USP3: variants seen among roughly 807,000 people sequenced by gnomAD.
USP3 encodes ubiquitin specific peptidase 3, also known as ubiquitin carboxyl-terminal hydrolase 3.
USP3 carries 20 observed loss-of-function variants against 72.3 expected under a neutral mutation model. The observed-to-expected ratio is 0.28, with a 90% CI of 0.19 to 0.40. The LOEUF (loss-of-function observed/expected upper bound fraction) is 0.40, where lower values mean the gene tolerates loss of function less well. Ranked by LOEUF, USP3 falls within the 10% of genes least tolerant of loss-of-function variation. The pLI is 1.00. For missense variants in USP3, 479 were observed against 633.9 expected, an observed-to-expected ratio of 0.76 and a Z score of 2.62; for synonymous variants, 222 against 225.3, an observed-to-expected ratio of 0.99 and a Z score of 0.13.
chr15:63,522,138 AGTGT>A (rs1317981754), intron 1 of USP3, among the ~76,000 whole-genome samples: 1 of 152,140 alleles, frequency 6.6e-6, no homozygotes, highest in African/African-American at 2.4e-5. Flanking sequence ...GGCCTCCCAA[AGTGT>A]TGGGATTACA....
chr15:63,551,532 T>G (rs967707457), intron 3 of USP3, among the ~76,000 whole-genome samples: 3 of 152,130 alleles, frequency 2.0e-5, no homozygotes, highest in African/African-American at 7.2e-5. Flanking sequence ...AGAAAAATCA[T>G]AGAAAAATCA....
chr15:63,590,016 CATTCA>C (rs2067160324), intron 14 of USP3, among the ~76,000 whole-genome samples: 1 of 152,196 alleles, frequency 6.6e-6, no homozygotes, highest in Non-Finnish European at 1.5e-5. Context: ...AGGTTTTCTG[CATTCA>C]ATTCCTCAGG....
intron 3 of USP3, chr15:63,542,234 TCAG>T (rs1170353633): frequency 3.1e-6 from 3 of 975,782 alleles, no homozygotes; most frequent in Non-Finnish European, 3.7e-6. Flanking sequence ...TATATGTTAT[TCAG>T]TATGGTAGCA....
At chr15:63,575,830 T>C (rs2066854043) in intron 11 of USP3, among the ~76,000 whole-genome samples, 1 of 152,126 alleles carries the variant, frequency 6.6e-6, no homozygotes, top group African/African-American at 2.4e-5. Context: ...TATCTGAATA[T>C]CTGGTTATTT....
intron 3 of USP3, among the ~76,000 whole-genome samples, chr15:63,547,719 CAATA>C (rs1281761052): frequency 3.5e-5 from 3 of 85,638 alleles, no homozygotes; most frequent in Non-Finnish European, 6.8e-5. Flanking sequence ...GACCCTGTCT[CAATA>C]GAGAGAGAGA....
intron 9 of USP3, among the ~76,000 whole-genome samples, chr15:63,571,881 G>T (rs1271980758): frequency 6.6e-6 from 1 of 152,166 alleles, no homozygotes; most frequent in African/African-American, 2.4e-5. Context: ...ATTTCCTTCA[G>T]TGCATTGGAA....
At chr15:63,505,419 G>A (rs2065699283) in intron 1 of USP3, among the ~76,000 whole-genome samples, 1 of 152,220 alleles carries the variant, frequency 6.6e-6, no homozygotes, top group Admixed American at 6.5e-5. Context: ...TCGGGCGGCG[G>A]AGGTCGGGGT....
At chr15:63,542,178 A>T in intron 3 of USP3, 2 of 985,246 alleles carry the variant, frequency 2.0e-6, no homozygotes, top group Non-Finnish European at 1.2e-6. Context: ...TTAGAATTTT[A>T]AAGCTGAGAA....
At chr15:63,546,546 G>A (rs534541086) in intron 3 of USP3, among the ~76,000 whole-genome samples, 30 of 152,218 alleles carry the variant, frequency 2.0e-4, no homozygotes, top group African/African-American at 6.3e-4. Flanking sequence ...CAACTGTAGC[G>A]AATCAAGAAA....
At chr15:63,584,613 C>T (rs1470218423) in intron 11 of USP3, among the ~76,000 whole-genome samples, 1 of 152,108 alleles carries the variant, frequency 6.6e-6, no homozygotes, top group East Asian at 1.9e-4. Context: ...AGTCCTTTCC[C>T]CATTTTTGAA....
rs1025263074 is a variant in USP3 at position 63,594,304 on chromosome 15, A to T, written c.*3478A>T. On this transcript the variant is annotated 3_prime_UTR_variant, in exon 15 of 15. Coordinates refer to ENST00000380324, the MANE Select transcript of USP3 (RefSeq NM_006537.4). The stretch of plus-strand genomic sequence containing the variant: ...TGGAAAAAGTCTGTTCCTGCAGCCA[A>T]GGCCTGGGTCCCAGGTGACTAGGAG... 22 of 152,236 alleles carry T rather than the reference A, an allele frequency of 1.4e-4. No individual in the cohort carries two copies. Among genetic ancestry groups the T allele is most frequent in the African/African-American group, 5.1e-4 (21 of 41,434 alleles). The allele number at this position is 152,236 out of a possible 1,614,324, so 9.4% of individuals were successfully genotyped here. A position where few individuals can be genotyped will look rare whatever the true frequency, so the allele number is the denominator to read the frequency against.
intron 6 of USP3, among the ~76,000 whole-genome samples, chr15:63,558,957 G>A (rs1313153726): frequency 6.6e-6 from 1 of 152,122 alleles, no homozygotes; most frequent in African/African-American, 2.4e-5. Context: ...CCTGGTGGAG[G>A]GCTAGATTTG....
At chr15:63,506,514 C>T (rs146599293) in intron 1 of USP3, among the ~76,000 whole-genome samples, 5 of 152,268 alleles carry the variant, frequency 3.3e-5, no homozygotes, top group African/African-American at 1.2e-4. Context: ...AAAATCACAT[C>T]AAACTTAAAA....
intron 1 of USP3, among the ~76,000 whole-genome samples, chr15:63,505,553 C>T (rs1421211683): frequency 6.6e-6 from 1 of 152,146 alleles, no homozygotes; most frequent in Non-Finnish European, 1.5e-5. Flanking sequence ...TTGGGTTGTC[C>T]GAAAATGCGT....
At position 63,504,636 on chromosome 15, in the gene USP3, A is replaced by C; in HGVS notation, c.-104A>C. On this transcript the variant is annotated 5_prime_UTR_variant, in exon 1 of 15. Transcript: ENST00000380324. ...CTCGAGACGCAGCCGCCGTCGGCCG[A>C]GCGCCCGGCTAGAAGCGACACCAGA... The C allele has an allele frequency of 9.9e-7, 1 of 1,011,238 alleles. No homozygotes were observed. Among genetic ancestry groups the C allele is most frequent in the South Asian group, 1.9e-5 (1 of 53,314 alleles). The allele number at this position is 1,011,238 out of a possible 1,614,324, so 62.6% of individuals were successfully genotyped here.
chr15:63,505,167 C>A (rs113534086), intron 1 of USP3, among the ~76,000 whole-genome samples: 3,635 of 151,902 alleles, frequency 0.024, 142 homozygotes, highest in African/African-American at 0.081. Flanking sequence ...GGGGCTGTGC[C>A]CGTCCGTGTT....
At chr15:63,580,639 T>A (rs2066936991) in intron 11 of USP3, among the ~76,000 whole-genome samples, 1 of 59,636 alleles carries the variant, frequency 1.7e-5, no homozygotes, top group African/African-American at 7.1e-5. Context: ...CAGAAAGTGG[T>A]GCATATATAT....
At chr15:63,569,847 T>C (rs2066751306) in intron 8 of USP3, among the ~76,000 whole-genome samples, 1 of 152,252 alleles carries the variant, frequency 6.6e-6, no homozygotes. Flanking sequence ...TAACTGTATA[T>C]GAGCCAATGC....
chr15:63,545,592 G>C (rs1489552985), intron 3 of USP3, among the ~76,000 whole-genome samples: 2 of 150,952 alleles, frequency 1.3e-5, no homozygotes, highest in Admixed American at 6.6e-5. Flanking sequence ...TTTTTTTAAT[G>C]TTCAGTGTAC....
Sources: gnomAD v4.1 joint callset for allele counts (sites outside exome capture counted in the v4.1 genomes callset) on GRCh38, gnomAD v4.1.1 for gene constraint, MANE v1.5 for transcripts, NCBI Gene and HGNC (gene_info 2026-07-23, HGNC 2026-07-21) for gene names.